PDE1A: variants seen among roughly 807,000 people sequenced by gnomAD.
PDE1A encodes the protein phosphodiesterase 1A.
Under a neutral mutation model 61.7 loss-of-function variants are expected in PDE1A, and 35 were observed. That is an observed-to-expected ratio of 0.57 (90% CI 0.43 to 0.75). PDE1A has a LOEUF of 0.75. Among genes scored for constraint, PDE1A ranks in the 30% least tolerant of loss-of-function variants. The pLI is 0.00. For missense variants in PDE1A, 597 were observed against 630.6 expected, an observed-to-expected ratio of 0.95 and a Z score of 0.57; for synonymous variants, 232 against 213.2, an observed-to-expected ratio of 1.09 and a Z score of -0.77.
chr2:182,242,061 T>C lies in PDE1A; in HGVS notation c.168-1769A>G, dbSNP rs952961697. On this transcript the variant is annotated intron_variant, in intron 2 of 13. Transcript: ENST00000351439. ...GTAGAACAAGTGGAATAGGAATCAT[T>C]GTGGTGTAATCTTGTGATGTCACCA... The C allele has an allele frequency of 1.2e-5, 15 of 1,298,332 alleles. No homozygotes were observed. In the Admixed American group the frequency reaches 1.6e-4, roughly 14 times the overall value. 80.4% of individuals were successfully genotyped at this position (1,298,332 alleles called of 1,614,324 possible). A position where few individuals can be genotyped will look rare whatever the true frequency, so the allele number is the denominator to read the frequency against.
intron 13 of PDE1A, among the ~76,000 whole-genome samples, chr2:182,147,618 T>A (rs1460244238): frequency 1.3e-5 from 2 of 152,184 alleles, no homozygotes; most frequent in Non-Finnish European, 2.9e-5. Context: ...AGTCTTGGAA[T>A]CACTCAGTTT....
the PDE1A span, among the ~76,000 whole-genome samples, chr2:182,619,128 T>G: frequency 6.6e-6 from 1 of 152,104 alleles, no homozygotes; most frequent in African/African-American, 2.4e-5. Context: ...ACATTCTTAA[T>G]TCTTGCAATT....
the PDE1A span, among the ~76,000 whole-genome samples, chr2:182,664,084 T>C: frequency 5.3e-5 from 8 of 152,158 alleles, no homozygotes; most frequent in Non-Finnish European, 1.0e-4. Flanking sequence ...TAGTTGACTT[T>C]ACTAGTAATG....
At chr2:182,145,383 A>G (rs979342340), downstream of PDE1A, among the ~76,000 whole-genome samples, 1 of 152,106 alleles carries the variant, frequency 6.6e-6, no homozygotes, top group Admixed American at 6.5e-5. Flanking sequence ...AAATTGCCAA[A>G]TCGTCTGCTC....
intron 1 of PDE1A, among the ~76,000 whole-genome samples, chr2:182,401,995 T>C (rs1162606995): frequency 6.6e-6 from 1 of 152,102 alleles, no homozygotes; most frequent in African/African-American, 2.4e-5. Flanking sequence ...CAAGGAGAGC[T>C]ACAAACCACC....
chr2:182,151,407 C>T (rs1009183876), intron 13 of PDE1A, among the ~76,000 whole-genome samples: 28 of 152,234 alleles, frequency 1.8e-4, no homozygotes, highest in Middle Eastern at 3.4e-3. Flanking sequence ...GCCCTGCCCC[C>T]CTCACAGCAA....
At chr2:182,686,263 T>G in the PDE1A span, among the ~76,000 whole-genome samples, 2 of 152,220 alleles carry the variant, frequency 1.3e-5, no homozygotes, top group African/African-American at 2.4e-5. Flanking sequence ...TGGTAATGAC[T>G]TATATGAATA....
At chr2:182,646,022 T>C in the PDE1A span, among the ~76,000 whole-genome samples, 1 of 152,042 alleles carries the variant, frequency 6.6e-6, no homozygotes, top group Non-Finnish European at 1.5e-5. Context: ...TCCAATAGGC[T>C]ACATGGGGAT....
intron 1 of PDE1A, among the ~76,000 whole-genome samples, chr2:182,308,171 A>G (rs1276982334): frequency 1.3e-5 from 2 of 152,154 alleles, no homozygotes. Flanking sequence ...AAATCAGAAC[A>G]AAATCACATC....
At chr2:182,605,482 A>G in the PDE1A span, among the ~76,000 whole-genome samples, 1 of 152,228 alleles carries the variant, frequency 6.6e-6, no homozygotes. Flanking sequence ...AAACACAGGA[A>G]TGGATTCTCC....
At chr2:182,275,071 TG>T (rs1481781603) in intron 1 of PDE1A, among the ~76,000 whole-genome samples, 1 of 152,088 alleles carries the variant, frequency 6.6e-6, no homozygotes, top group African/African-American at 2.4e-5. Context: ...ACTTGGATGA[TG>T]GGAGATGAGA....
chr2:182,520,141 G>A (rs1053249594), intron 2 of PDE1A, among the ~76,000 whole-genome samples: 1 of 151,842 alleles, frequency 6.6e-6, no homozygotes, highest in African/African-American at 2.4e-5. Flanking sequence ...GACAATATCA[G>A]CAATGGAATA....
At chr2:182,608,441 C>G in the PDE1A span, among the ~76,000 whole-genome samples, 1 of 152,192 alleles carries the variant, frequency 6.6e-6, no homozygotes, top group Non-Finnish European at 1.5e-5. Context: ...GCTCCCTCAG[C>G]TTGCGAGGAG....
the PDE1A span, among the ~76,000 whole-genome samples, chr2:182,593,434 C>A: frequency 3.9e-5 from 6 of 152,158 alleles, no homozygotes; most frequent in African/African-American, 1.4e-4. Flanking sequence ...TGGCAGAGAT[C>A]ATATAGAAGC....
At chr2:182,604,055 A>C in the PDE1A span, among the ~76,000 whole-genome samples, 1 of 152,110 alleles carries the variant, frequency 6.6e-6, no homozygotes, top group Non-Finnish European at 1.5e-5. Flanking sequence ...CTTTTCCTAA[A>C]GTATACATGC....
intron 1 of PDE1A, among the ~76,000 whole-genome samples, chr2:182,395,086 C>T (rs1293411497): frequency 6.6e-6 from 1 of 152,232 alleles, no homozygotes; most frequent in East Asian, 1.9e-4. Flanking sequence ...GATGTGGTTT[C>T]ACTGCTTGAA....
chr2:182,176,422 T>C (rs1488964552), intron 13 of PDE1A, among the ~76,000 whole-genome samples: 5 of 147,026 alleles, frequency 3.4e-5, no homozygotes, highest in African/African-American at 1.3e-4. Context: ...GTTGGATTCC[T>C]AGGTATTTTA....
the PDE1A span, among the ~76,000 whole-genome samples, chr2:182,573,058 C>T: frequency 6.6e-6 from 1 of 152,010 alleles, no homozygotes; most frequent in Non-Finnish European, 1.5e-5. Context: ...TTTAATTAGA[C>T]CAAAGAATGC....
At chr2:182,655,228 T>A in the PDE1A span, among the ~76,000 whole-genome samples, 4 of 152,218 alleles carry the variant, frequency 2.6e-5, no homozygotes, top group East Asian at 7.7e-4. Flanking sequence ...CCATAATAAA[T>A]CCATTCTAAC....
Sources: allele counts gnomAD v4.1 joint callset (sites outside exome capture counted in the v4.1 genomes callset), GRCh38; gene constraint gnomAD v4.1.1; transcripts MANE v1.5; gene names NCBI Gene and HGNC (gene_info 2026-07-23, HGNC 2026-07-21).